Variants in NDST1 observed in about 807,000 individuals in gnomAD.
NDST1 encodes the protein N-deacetylase and N-sulfotransferase 1, also known as bifunctional heparan sulfate N-deacetylase/N-sulfotransferase 1.
Under a neutral mutation model 92.8 loss-of-function variants are expected in NDST1, and 35 were observed. The observed-to-expected ratio is 0.38, with a 90% CI of 0.29 to 0.50. NDST1 has a LOEUF of 0.50. Ranked by LOEUF, NDST1 falls within the 20% of genes least tolerant of loss-of-function variation. The pLI is 0.94. For missense variants in NDST1, 822 were observed against 1,182.7 expected (o/e 0.69, Z 4.47); for synonymous variants, 493 against 500.3 (o/e 0.99, Z 0.19).
chr5:150,498,348 C>T (rs752221566), intron 1 of NDST1: 10 of 152,234 alleles, frequency 6.6e-5, no homozygotes, highest in African/African-American at 1.4e-4. Flanking sequence ...GGACTTACCT[C>T]GTGCTTGGTA....
At chr5:150,546,341 C>T (rs549459373) in intron 11 of NDST1, among the ~76,000 whole-genome samples, 3 of 152,310 alleles carry the variant, frequency 2.0e-5, no homozygotes, top group African/African-American at 7.2e-5. Context: ...TAATTTCCTG[C>T]CTGCCAGCCC....
chr5:150,551,212 C>T (rs988518587), intron 13 of NDST1, among the ~76,000 whole-genome samples: 2 of 152,148 alleles, frequency 1.3e-5, no homozygotes, highest in African/African-American at 4.8e-5. Context: ...TGTTGGCAGT[C>T]TTGCTGTGTC....
At chr5:150,545,566 A>T (rs1755441347) in intron 11 of NDST1, 80 bp downstream of exon 11, 1 of 1,547,706 alleles carries the variant, frequency 6.5e-7, no homozygotes, top group African/African-American at 1.4e-5. Context: ...CACTCAACAG[A>T]TATTATTAGT....
In NDST1 at chr5:150,521,156, T is replaced by G; in HGVS notation, c.-99T>G. On this transcript the variant is annotated 5_prime_UTR_variant, in exon 2 of 15. It adds an upstream start codon to the 5' untranslated region. Coordinates refer to ENST00000261797, the MANE Select transcript of NDST1 (RefSeq NM_001543.5). The surrounding 1 kb of genome is among the most constrained non-coding windows in gnomAD (Gnocchi z 5.9). ...CGTCGCTTCCTAAGTCTCTGTGAAT[T>G]TGTTGGTCAGTGGACGATTCTCGTG... 1 of 1,091,158 alleles carries G rather than the reference T, an allele frequency of 9.2e-7. No homozygotes were observed. Among genetic ancestry groups the G allele is most frequent in the Non-Finnish European group, 1.3e-6 (1 of 757,746 alleles). 67.6% of individuals were successfully genotyped at this position (1,091,158 alleles called of 1,614,324 possible).
upstream of NDST1, among the ~76,000 whole-genome samples, chr5:150,505,793 T>G (rs1753427598): frequency 6.6e-6 from 1 of 152,176 alleles, no homozygotes. Flanking sequence ...ATTTTATTTT[T>G]TTTAGAGATG....
intron 1 of NDST1, among the ~76,000 whole-genome samples, chr5:150,517,006 T>C (rs1435629598): frequency 1.3e-5 from 2 of 151,486 alleles, no homozygotes; most frequent in Non-Finnish European, 3.0e-5. Flanking sequence ...TGTGTGTGTG[T>C]GTGTGTGTGT....
At chr5:150,549,540 TCAA>T in intron 12 of NDST1, 135 bp from the exon 13 acceptor site, 1 of 693,986 alleles carries the variant, frequency 1.4e-6, no homozygotes, top group South Asian at 1.5e-5. Context: ...TACCTGCCCT[TCAA>T]CAGGGGAGGA....
intron 11 of NDST1, among the ~76,000 whole-genome samples, chr5:150,546,179 G>A (rs1245199316): frequency 6.6e-6 from 1 of 151,984 alleles, no homozygotes; most frequent in Non-Finnish European, 1.5e-5. Flanking sequence ...TGTATTTTTA[G>A]TAGAGACAGG....
chr5:150,524,613 A>G (rs1754387899), intron 2 of NDST1, among the ~76,000 whole-genome samples: 1 of 152,240 alleles, frequency 6.6e-6, no homozygotes, highest in Non-Finnish European at 1.5e-5. Context: ...TGAAGTAGGC[A>G]CTTTATTTTC....
At chr5:150,520,032 T>C (rs1393264046) in intron 1 of NDST1, among the ~76,000 whole-genome samples, 1 of 152,080 alleles carries the variant, frequency 6.6e-6, no homozygotes, top group East Asian at 1.9e-4. Context: ...AGGAAGGCTA[T>C]TTGGTCATCT....
rs1754219460 is a variant in NDST1, at chr5:150,520,924, A to G, written c.-331A>G. 3 of 522,138 alleles carry G rather than the reference A, an allele frequency of 5.7e-6. No homozygotes were observed. The highest frequency in any genetic ancestry group is 7.2e-5 in the Admixed American group (2 of 27,724). 32.3% of individuals were successfully genotyped at this position (522,138 alleles called of 1,614,324 possible). On this transcript the variant is annotated 5_prime_UTR_variant, in exon 2 of 15. Transcript: ENST00000261797. ...GCATGCAGCACCCCCGGGCCTGTCC[A>G]GTGTCCTCTGGCCTGCTGCCCTGCA...
chr5:150,511,487 T>C (rs959930873), intron 1 of NDST1, among the ~76,000 whole-genome samples: 4 of 152,046 alleles, frequency 2.6e-5, no homozygotes, highest in African/African-American at 9.7e-5. Context: ...GGGACAGGGT[T>C]TTAATGGACA....
intron 2 of NDST1, among the ~76,000 whole-genome samples, chr5:150,527,447 A>G (rs1754524513): frequency 6.6e-6 from 1 of 152,196 alleles, no homozygotes; most frequent in African/African-American, 2.4e-5. Flanking sequence ...CAGGCAGTCT[A>G]GCAGGATTCA....
intron 1 of NDST1, chr5:150,498,322 A>T (rs1753082775): frequency 6.6e-6 from 1 of 152,260 alleles, no homozygotes; most frequent in Non-Finnish European, 1.5e-5. Flanking sequence ...CTTTTAGGTA[A>T]GTTAATGTTT....
At chr5:150,523,451 G>A (rs774548286) in intron 2 of NDST1, among the ~76,000 whole-genome samples, 18 of 152,224 alleles carry the variant, frequency 1.2e-4, no homozygotes, top group Non-Finnish European at 1.9e-4. Context: ...CACTTCACAC[G>A]AAGGCAGGTG....
At chr5:150,512,652 G>A (rs530014754) in intron 1 of NDST1, among the ~76,000 whole-genome samples, 92 of 152,332 alleles carry the variant, frequency 6.0e-4, no homozygotes, top group African/African-American at 2.2e-3. Context: ...TTTGATATGT[G>A]GCCTTGGGCC....
upstream of NDST1, chr5:150,507,649 CTT>C (rs1360663784): frequency 6.6e-6 from 1 of 152,516 alleles, no homozygotes; most frequent in African/African-American, 2.4e-5. Context: ...ATCATAGACA[CTT>C]TTCCCTCCAG....
At chr5:150,533,082 C>A in intron 4 of NDST1, 50 bp downstream of exon 4, 1 of 1,547,870 alleles carries the variant, frequency 6.5e-7, no homozygotes. Context: ...GACTCCTCAG[C>A]ACCCAAACCC....
chr5:150,526,555 G>T (rs1172065410), intron 2 of NDST1, among the ~76,000 whole-genome samples: 2 of 152,160 alleles, frequency 1.3e-5, no homozygotes, highest in African/African-American at 4.8e-5. Context: ...GGCACTAGGG[G>T]TCCAAAGGCG....
Sources: allele counts gnomAD v4.1 joint callset (sites outside exome capture counted in the v4.1 genomes callset), GRCh38; gene constraint gnomAD v4.1.1; non-coding constraint Gnocchi (gnomAD v3.1); transcripts MANE v1.5; gene names NCBI Gene and HGNC (gene_info 2026-07-23, HGNC 2026-07-21).